Variants in SUGCT observed in about 807,000 individuals in gnomAD.
SUGCT encodes the protein succinyl-CoA:glutarate-CoA transferase.
SUGCT carries 41 observed loss-of-function variants against 55.0 expected under a neutral mutation model. The observed-to-expected ratio is 0.74, with a 90% confidence interval of 0.58 to 0.97. The LOEUF is 0.97. SUGCT is among the 50% of genes least tolerant of loss of function. The pLI, the probability that SUGCT is intolerant of heterozygous loss-of-function variation, is 0.00. For missense variants in SUGCT, 568 were observed against 547.8 expected (o/e 1.04, Z -0.37); for synonymous variants, 187 against 200.4 (o/e 0.93, Z 0.56).
chr7:40,626,882 A>C (rs77982234), intron 12 of SUGCT, among the ~76,000 whole-genome samples: 3,602 of 152,246 alleles, frequency 0.024, 136 homozygotes, highest in African/African-American at 0.084. Context: ...TTCCCCGTGC[A>C]TGTCTAGTTA....
the SUGCT span, among the ~76,000 whole-genome samples, chr7:40,888,583 T>G: frequency 6.6e-6 from 1 of 152,166 alleles, no homozygotes; most frequent in Non-Finnish European, 1.5e-5. Context: ...GCCTTGTGCT[T>G]TAAGGCACAT....
intron 9 of SUGCT, among the ~76,000 whole-genome samples, chr7:40,448,018 G>A (rs1788941825): frequency 6.6e-6 from 1 of 152,110 alleles, no homozygotes; most frequent in Non-Finnish European, 1.5e-5. Flanking sequence ...GGTGGTTAGA[G>A]TGTCCATCGC....
At chr7:40,827,370 G>C (rs768559750) in intron 13 of SUGCT, among the ~76,000 whole-genome samples, 5 of 152,140 alleles carry the variant, frequency 3.3e-5, no homozygotes, top group Admixed American at 1.3e-4. Context: ...GAGTCTCAGA[G>C]AAGGGGAGAG....
chr7:41,019,262 A>T, the SUGCT span, among the ~76,000 whole-genome samples: 1 of 152,194 alleles, frequency 6.6e-6, no homozygotes, highest in Non-Finnish European at 1.5e-5. Flanking sequence ...GGTGTATATT[A>T]ATAATTAAAA....
At chr7:40,895,969 G>T in the SUGCT span, among the ~76,000 whole-genome samples, 20 of 152,220 alleles carry the variant, frequency 1.3e-4, no homozygotes, top group African/African-American at 4.6e-4. Context: ...CTTGTCTCTT[G>T]TATTTAATAT....
chr7:40,293,040 T>A (rs773892455), intron 8 of SUGCT, among the ~76,000 whole-genome samples: 1 of 152,198 alleles, frequency 6.6e-6, no homozygotes, highest in Non-Finnish European at 1.5e-5. Flanking sequence ...AAGTTTTCTG[T>A]CAATGGAGGC....
At chr7:40,906,096 A>C in the SUGCT span, among the ~76,000 whole-genome samples, 1 of 151,000 alleles carries the variant, frequency 6.6e-6, no homozygotes, top group African/African-American at 2.4e-5. Context: ...AACCATCATC[A>C]CCATCCATTT....
chr7:41,006,212 C>T, the SUGCT span, among the ~76,000 whole-genome samples: 1 of 152,194 alleles, frequency 6.6e-6, no homozygotes, highest in Non-Finnish European at 1.5e-5. Context: ...AGAACCTGAT[C>T]TCCCAGAAAG....
intron 12 of SUGCT, among the ~76,000 whole-genome samples, chr7:40,676,529 G>A (rs911962569): frequency 1.4e-4 from 20 of 144,598 alleles, no homozygotes; most frequent in Non-Finnish European, 2.5e-4. Context: ...TTGAGATGGA[G>A]CCTCACTCTG....
intron 12 of SUGCT, among the ~76,000 whole-genome samples, chr7:40,631,008 A>T (rs1799765251): frequency 1.3e-5 from 2 of 152,170 alleles, no homozygotes; most frequent in African/African-American, 4.8e-5. Context: ...TGACCACATC[A>T]TCTAGTACGT....
At chr7:40,138,534 C>T (rs1272536321) in intron 1 of SUGCT, among the ~76,000 whole-genome samples, 4 of 152,104 alleles carry the variant, frequency 2.6e-5, no homozygotes, top group Non-Finnish European at 2.9e-5. Flanking sequence ...GCTGCATCTT[C>T]CGGTAGTTCT....
At chr7:40,387,864 T>A (rs1458633969) in intron 9 of SUGCT, 1 of 152,220 alleles carries the variant, frequency 6.6e-6, no homozygotes, top group Non-Finnish European at 1.5e-5. Flanking sequence ...GTCCTCTAAC[T>A]GTTCCTGAGA....
chr7:40,630,830 T>C (rs1287556503), intron 12 of SUGCT, among the ~76,000 whole-genome samples: 1 of 135,916 alleles, frequency 7.4e-6, no homozygotes, highest in Non-Finnish European at 1.5e-5. Flanking sequence ...ATTTATAAAC[T>C]GGTCTGTGTG....
intron 12 of SUGCT, among the ~76,000 whole-genome samples, chr7:40,739,041 G>A (rs1001948649): frequency 9.2e-5 from 14 of 152,070 alleles, no homozygotes; most frequent in African/African-American, 3.4e-4. Context: ...TTTGTTTTGA[G>A]AGAATTATAG....
intron 13 of SUGCT, among the ~76,000 whole-genome samples, chr7:40,790,903 C>T (rs551522938): frequency 6.6e-6 from 1 of 152,230 alleles, no homozygotes; most frequent in South Asian, 2.1e-4. Context: ...ATTTTCTAGT[C>T]AAAGAATATT....
chr7:40,387,005 C>G (rs1785162991), intron 9 of SUGCT, among the ~76,000 whole-genome samples: 1 of 152,098 alleles, frequency 6.6e-6, no homozygotes. Context: ...TAGTACTAAG[C>G]TTTTGGAAAA....
Position 40,599,184 on chromosome 7 carries a change from C to G in SUGCT, c.1089+102798C>G, listed in dbSNP as rs1185203085. Among the ~76,000 whole-genome samples the G allele has an allele frequency of 2.0e-5, 3 of 152,120 alleles. No homozygotes were observed. In the East Asian group the frequency reaches 5.8e-4, roughly 29 times the overall value. On this transcript the variant is annotated intron_variant, in intron 12 of 13. Transcript: ENST00000335693. ...AAGGGAAGCCTCAGAAGCTGGTGCTCGAGATTTGCTTGCTACCCAATATTA... is the reference window on the plus strand; with the variant it reads ...AAGGGAAGCCTCAGAAGCTGGTGCTGGAGATTTGCTTGCTACCCAATATTA...
At position 40,156,337 on chromosome 7, in the gene SUGCT, C is replaced by T. The variant is rs571085019; in HGVS notation, c.100+21217C>T. Among the ~76,000 whole-genome samples the T allele has an allele frequency of 1.6e-3, 246 of 152,172 alleles. 3 individuals carry two copies. In the South Asian group the frequency reaches 0.022, roughly 13 times the overall value. ...AATTAGCCCGGCGTGGTGAAGGGCA[C>T]CTGTAGTCGCAGCTACTCAGGAGGC... On this transcript the variant is annotated intron_variant, in intron 1 of 13. Transcript: ENST00000335693.
intron 8 of SUGCT, among the ~76,000 whole-genome samples, chr7:40,300,443 T>TA (rs1794463513): frequency 6.6e-6 from 1 of 152,188 alleles, no homozygotes; most frequent in South Asian, 2.1e-4. Flanking sequence ...GAATGGAAGA[T>TA]ATGGCTAAGA....
Sources: gnomAD v4.1 joint callset for allele counts (sites outside exome capture counted in the v4.1 genomes callset) on GRCh38, gnomAD v4.1.1 for gene constraint, MANE v1.5 for transcripts, NCBI Gene and HGNC (gene_info 2026-07-23, HGNC 2026-07-21) for gene names.